The following IMMP2L variants were observed in gnomAD, a reference collection of about 807,000 sequenced individuals.
The protein encoded by IMMP2L is mitochondrial inner membrane protease subunit 2.
A neutral mutation model predicts 19.3 loss-of-function variants in IMMP2L; 18 were observed. The ratio of observed to expected loss-of-function variants is 0.93; its 90% CI spans 0.64 to 1.38. IMMP2L has a LOEUF of 1.38. Ranked by LOEUF, IMMP2L falls within the 40% of genes most tolerant of loss-of-function variation. The pLI, the probability that IMMP2L is intolerant of heterozygous loss-of-function variation, is 0.00. For synonymous variants in IMMP2L, 76 were observed against 73.0 expected, an observed-to-expected ratio of 1.04 and a Z score of -0.21; for missense variants, 233 against 218.2, an observed-to-expected ratio of 1.07 and a Z score of -0.43.
rs141888289 is a variant in IMMP2L, at chr7:111,065,701, C to T, written c.240-102136G>A. On this transcript the variant is annotated intron_variant, in intron 3 of 5. Transcript: ENST00000405709. ...TCCTGTGCTGGATGCTTCCTGTTCT[C>T]GAACATCGGACTCCAAGTTCTCCTG... 6.6e-3 allele frequency among the ~76,000 whole-genome samples: 998 copies of T among 152,300 alleles called. 7 individuals are homozygous for T. The highest frequency in any genetic ancestry group is 0.026 in the South Asian group (124 of 4,820).
intron 1 of IMMP2L, among the ~76,000 whole-genome samples, chr7:111,533,202 A>G (rs1012283170): frequency 6.6e-6 from 1 of 152,174 alleles, no homozygotes; most frequent in African/African-American, 2.4e-5. Flanking sequence ...TGTTGCACAA[A>G]AAGTCCAGGT....
intron 3 of IMMP2L, among the ~76,000 whole-genome samples, chr7:111,384,573 AAAG>A (rs1831550598): frequency 2.0e-5 from 3 of 152,170 alleles, no homozygotes; most frequent in South Asian, 2.1e-4. Context: ...AAGAAGACAG[AAAG>A]AAGGAGATCC....
In IMMP2L at chr7:111,213,459, T is replaced by C. The variant is rs989520310; in HGVS notation, c.240-249894A>G. Among the ~76,000 whole-genome samples, 1 of 152,024 alleles carries C rather than the reference T, an allele frequency of 6.6e-6. No homozygotes were observed. Among genetic ancestry groups the C allele is most frequent in the Admixed American group, 6.5e-5 (1 of 15,280 alleles). On this transcript the variant is annotated intron_variant, in intron 3 of 5. Transcript: ENST00000405709. The surrounding 1 kb of genome is among the most constrained non-coding windows in gnomAD (Gnocchi z 4.8). ...TCCTGAGTGGAAGGGGGTGGGTCCC[T>C]AGCAAGGCCCCACCTTCAAGCTGGG...
At position 110,816,453 on chromosome 7, in the gene IMMP2L, G is replaced by A. The variant is rs566304397; in HGVS notation, c.408+70140C>T. Among the ~76,000 whole-genome samples the A allele has an allele frequency of 4.9e-3, 713 of 146,506 alleles. 20 individuals are homozygous for A. Among genetic ancestry groups the A allele is most frequent in the Admixed American group, 0.043 (613 of 14,316 alleles). On this transcript the variant is annotated intron_variant, in intron 5 of 5. Transcript: ENST00000405709. ...AGAATGTATATTCTGTTGATTTGGG[G>A]TGGAGAGTTCTGTAGATGTCTATTA... is the stretch of plus-strand genomic sequence containing the variant.
At chr7:111,440,337 A>G (rs1408326794) in intron 3 of IMMP2L, among the ~76,000 whole-genome samples, 1 of 151,910 alleles carries the variant, frequency 6.6e-6, no homozygotes, top group Admixed American at 6.5e-5. Flanking sequence ...TTCTTAAGTA[A>G]TAAGACTAGA....
intron 5 of IMMP2L, among the ~76,000 whole-genome samples, chr7:110,830,769 T>C (rs1803900267): frequency 6.6e-6 from 1 of 152,130 alleles, no homozygotes; most frequent in African/African-American, 2.4e-5. Flanking sequence ...CCTCCCTTGC[T>C]CTCTTTTCCC....
At chr7:111,145,903 T>C (rs1803415603) in intron 3 of IMMP2L, among the ~76,000 whole-genome samples, 1 of 152,146 alleles carries the variant, frequency 6.6e-6, no homozygotes, top group Non-Finnish European at 1.5e-5. Flanking sequence ...AAAAGTCAGC[T>C]ATTCTCTGGA....
intron 3 of IMMP2L, among the ~76,000 whole-genome samples, chr7:111,459,459 TAATC>T (rs1000040593): frequency 3.3e-5 from 5 of 151,860 alleles, no homozygotes; most frequent in South Asian, 2.1e-4. Context: ...TTAAATAAAC[TAATC>T]AATCAACCAA....
chr7:111,436,913 G>GA (rs1359194764), intron 3 of IMMP2L, among the ~76,000 whole-genome samples: 1 of 151,586 alleles, frequency 6.6e-6, no homozygotes, highest in Non-Finnish European at 1.5e-5. Context: ...GAGTGGAGAG[G>GA]TGCCACACTC....
intron 1 of IMMP2L, among the ~76,000 whole-genome samples, chr7:111,528,401 G>A (rs367639714): frequency 1.4e-4 from 21 of 152,268 alleles, no homozygotes; most frequent in African/African-American, 4.3e-4. Flanking sequence ...CACTGCTCCT[G>A]AGAAAATTAT....
chr7:111,322,957 G>C (rs1824897567), intron 3 of IMMP2L, among the ~76,000 whole-genome samples: 1 of 151,240 alleles, frequency 6.6e-6, no homozygotes, highest in African/African-American at 2.4e-5. Flanking sequence ...AAATAAAATG[G>C]TGAATGCACC....
At position 110,870,307 on chromosome 7, in the gene IMMP2L, T is replaced by A. The variant is rs993564812; in HGVS notation, c.408+16286A>T. ...TTGTATACTTTCCACTGACTTCTTA[T>A]TTCTGAACCAGAAGGCATCGCGAGT... On this transcript the variant is annotated intron_variant, in intron 5 of 5. Transcript: ENST00000405709. The surrounding 1 kb of genome is among the most constrained non-coding windows in gnomAD (Gnocchi z 4.2). Among the ~76,000 whole-genome samples, 1 of 152,112 alleles carries A rather than the reference T, an allele frequency of 6.6e-6. No individual in the cohort carries two copies. Among genetic ancestry groups the A allele is most frequent in the Non-Finnish European group, 1.5e-5 (1 of 68,004 alleles).
intron 5 of IMMP2L, among the ~76,000 whole-genome samples, chr7:110,795,816 A>C (rs971320183): frequency 6.6e-6 from 1 of 152,078 alleles, no homozygotes; most frequent in Admixed American, 6.6e-5. Flanking sequence ...GGATACAGAG[A>C]AGGAGAAAGC....
intron 3 of IMMP2L, among the ~76,000 whole-genome samples, chr7:110,986,614 C>A (rs1821887099): frequency 6.6e-6 from 1 of 152,060 alleles, no homozygotes; most frequent in African/African-American, 2.4e-5. Flanking sequence ...TTCCAGCTAA[C>A]AGAATTTTTA....
chr7:110,780,873 G>C (rs1562970977), intron 5 of IMMP2L, among the ~76,000 whole-genome samples: 1 of 151,824 alleles, frequency 6.6e-6, no homozygotes, highest in Non-Finnish European at 1.5e-5. Flanking sequence ...CTCATTATTT[G>C]CACTCCCTGT....
chr7:110,913,091 T>C (rs1813231712), intron 4 of IMMP2L, among the ~76,000 whole-genome samples: 1 of 152,092 alleles, frequency 6.6e-6, no homozygotes, highest in Non-Finnish European at 1.5e-5. Context: ...TCAAATAAAA[T>C]ATAAAGTCTG....
intron 3 of IMMP2L, among the ~76,000 whole-genome samples, chr7:111,116,089 T>A (rs930166352): frequency 6.6e-6 from 1 of 152,096 alleles, no homozygotes; most frequent in African/African-American, 2.4e-5. Flanking sequence ...CCAAAGCATA[T>A]CTTGAGACTC....
intron 3 of IMMP2L, among the ~76,000 whole-genome samples, chr7:111,428,147 GGA>G (rs1227206400): frequency 6.6e-6 from 1 of 151,706 alleles, no homozygotes; most frequent in African/African-American, 2.4e-5. Flanking sequence ...CAATATTCTA[GGA>G]GAGTGATTTT....
intron 3 of IMMP2L, among the ~76,000 whole-genome samples, chr7:111,045,219 G>A (rs1792282340): frequency 6.6e-6 from 1 of 152,122 alleles, no homozygotes; most frequent in Non-Finnish European, 1.5e-5. Context: ...AACAACAAAA[G>A]AAATCCTTGA....
Sources: allele counts gnomAD v4.1 joint callset (sites outside exome capture counted in the v4.1 genomes callset), GRCh38; gene constraint gnomAD v4.1.1; non-coding constraint Gnocchi (gnomAD v3.1); transcripts MANE v1.5; gene names NCBI Gene and HGNC (gene_info 2026-07-23, HGNC 2026-07-21).